TBC1D1: variants seen among roughly 807,000 people sequenced by gnomAD.
The protein encoded by TBC1D1 is TBC1 domain family member 1, also known as TBC1 (tre-2/USP6, BUB2, cdc16) domain family, member 1.
TBC1D1 carries 89 observed loss-of-function variants against 125.6 expected under a neutral mutation model. That is an observed-to-expected ratio of 0.71 (90% CI 0.60 to 0.85). TBC1D1 has a LOEUF of 0.85. Ranked by LOEUF, TBC1D1 falls within the 40% of genes least tolerant of loss-of-function variation. TBC1D1 has a pLI of 0.00. For synonymous variants in TBC1D1, 565 were observed against 564.1 expected (o/e 1.00, Z -0.02); for missense variants, 1,377 against 1,469.2 (o/e 0.94, Z 1.03).
Position 38,014,447 on chromosome 4 carries a change from T to C in TBC1D1, c.418-62T>C. ...GGGCGTCCCGAAAGAGCATGGTGCATTCATTCCGTGAGTGCCAGCCACACT... is the reference window on the plus strand; with the variant it reads ...GGGCGTCCCGAAAGAGCATGGTGCACTCATTCCGTGAGTGCCAGCCACACT... On this transcript the variant is annotated intron_variant, in intron 2 of 19. Transcript: ENST00000261439. The surrounding 1 kb of genome is among the most constrained non-coding windows in gnomAD (Gnocchi z 5.1). The C allele has an allele frequency of 6.6e-7, 1 of 1,519,292 alleles. No individual in the cohort carries two copies. Among genetic ancestry groups the C allele is most frequent in the Non-Finnish European group, 9.0e-7 (1 of 1,105,618 alleles). The allele number at this position is 1,519,292 out of a possible 1,614,324, so 94.1% of individuals were successfully genotyped here. A position where few individuals can be genotyped will look rare whatever the true frequency, so the allele number is the denominator to read the frequency against.
intron 2 of TBC1D1, among the ~76,000 whole-genome samples, chr4:37,931,835 C>T (rs1723334440): frequency 1.3e-5 from 2 of 152,194 alleles, no homozygotes; most frequent in Non-Finnish European, 2.9e-5. Context: ...TTTGCAAACT[C>T]ATCCTTCAGT....
At chr4:37,972,017 C>G (rs750696089) in intron 2 of TBC1D1, among the ~76,000 whole-genome samples, 13 of 152,178 alleles carry the variant, frequency 8.5e-5, no homozygotes, top group Non-Finnish European at 1.3e-4. Context: ...CAAAACAGCC[C>G]AATCATCTGA....
chr4:37,968,282 T>G (rs1238079992), intron 2 of TBC1D1, among the ~76,000 whole-genome samples: 1 of 152,248 alleles, frequency 6.6e-6, no homozygotes, highest in African/African-American at 2.4e-5. Context: ...ACTATCTTCT[T>G]GTCTCCTCTG....
chr4:38,008,797 C>T (rs1017981785), intron 2 of TBC1D1, among the ~76,000 whole-genome samples: 2 of 152,214 alleles, frequency 1.3e-5, no homozygotes, highest in African/African-American at 4.8e-5. Flanking sequence ...TGCACAGGAG[C>T]GGCCTTCTGT....
chr4:37,968,150 G>C (rs540696317), intron 2 of TBC1D1, among the ~76,000 whole-genome samples: 3 of 152,284 alleles, frequency 2.0e-5, no homozygotes, highest in African/African-American at 7.2e-5. Context: ...TTAATGAATT[G>C]ATTGCTAATG....
At position 38,013,250 on chromosome 4, in the gene TBC1D1, T is replaced by G. The variant is rs373114397; in HGVS notation, c.418-1259T>G. ...AGAGATCTTTAAGGTGTATTTGATATGAAGTCACAAAGAGAAAAATCTTTC... is the reference window on the plus strand; with the variant it reads ...AGAGATCTTTAAGGTGTATTTGATAGGAAGTCACAAAGAGAAAAATCTTTC... On this transcript the variant is annotated intron_variant, in intron 2 of 19. Transcript: ENST00000261439. 1.2e-3 allele frequency among the ~76,000 whole-genome samples: 179 copies of G among 152,362 alleles called. 1 individual carries two copies. The highest frequency in any genetic ancestry group is 4.1e-3 in the African/African-American group (170 of 41,574).
In TBC1D1 at chr4:38,127,038, C is replaced by A. The variant is rs369108723; in HGVS notation, c.3132+1907C>A. 2.2e-4 allele frequency among the ~76,000 whole-genome samples: 34 copies of A among 151,980 alleles called. No homozygotes were observed. The South Asian group carries it at 6.7e-3, about 30-fold the overall frequency. ...AGCTTTTGTTGCATGTACTTACTTA[C>A]ATTTACAGCTTCTAGGGCAGACCCC... On this transcript the variant is annotated intron_variant, in intron 18 of 19. Transcript: ENST00000261439.
In TBC1D1 at chr4:38,027,882, A is replaced by G; in HGVS notation, c.1302+3A>G. The G allele has an allele frequency of 6.3e-7, 1 of 1,594,350 alleles. No individual in the cohort carries two copies. Among genetic ancestry groups the G allele is most frequent in the Admixed American group, 1.7e-5 (1 of 57,552 alleles). On this transcript the variant is annotated splice_donor_region_variant and intron_variant, in intron 7 of 19. Coordinates refer to ENST00000261439, the MANE Select transcript of TBC1D1 (RefSeq NM_015173.4). ...CGACTATTTTTGAAGAGGTTCAGGT[A>G]CAGTACAGTTGCTAATTTCTAGAAG... is the stretch of plus-strand genomic sequence containing the variant.
At chr4:37,949,352 G>C (rs1727363872) in intron 2 of TBC1D1, among the ~76,000 whole-genome samples, 1 of 152,214 alleles carries the variant, frequency 6.6e-6, no homozygotes. Flanking sequence ...TTTATTGAGT[G>C]CTTCCTATTA....
At chr4:38,118,401 C>T in intron 17 of TBC1D1, 1 of 581,296 alleles carries the variant, frequency 1.7e-6, no homozygotes, top group East Asian at 2.9e-5. Flanking sequence ...CCCTAGATGC[C>T]TTCATCTTGT....
chr4:38,052,703 TACACACACACGC>T lies in TBC1D1; in HGVS notation c.1911-1495_1911-1484del, dbSNP rs1253497619. On this transcript the variant is annotated intron_variant, in intron 11 of 19. Transcript: ENST00000261439. ...GTGGACACTTACATGCATGCGTATA[TACACACACACGC>T]GCGCGCGCGCGCGCACACACACACA... 1.1e-3 allele frequency among the ~76,000 whole-genome samples: 141 copies of T among 128,300 alleles called. 1 individual carries two copies. Among genetic ancestry groups the T allele is most frequent in the Non-Finnish European group, 1.7e-3 (101 of 61,070 alleles). The allele number at this position is 128,300 out of a possible 152,430, so 84.2% of individuals were successfully genotyped here. A position where few individuals can be genotyped will look rare whatever the true frequency, so the allele number is the denominator to read the frequency against.
chr4:37,918,639 G>A (rs897189890), intron 2 of TBC1D1, among the ~76,000 whole-genome samples: 11 of 152,070 alleles, frequency 7.2e-5, no homozygotes, highest in Non-Finnish European at 1.5e-4. Flanking sequence ...GTAGAGATGG[G>A]TTTTCACCAT....
At chr4:38,116,454 C>T (rs1762999768) in intron 16 of TBC1D1, among the ~76,000 whole-genome samples, 2 of 152,232 alleles carry the variant, frequency 1.3e-5, no homozygotes, top group South Asian at 2.1e-4. Flanking sequence ...CACTGCGTCA[C>T]GTTATCCTGG....
At chr4:38,062,973 C>T (rs539411986) in intron 12 of TBC1D1, among the ~76,000 whole-genome samples, 6 of 152,090 alleles carry the variant, frequency 3.9e-5, no homozygotes, top group African/African-American at 1.4e-4. Context: ...ACCAGCTGAC[C>T]CATGACGATG....
chr4:37,951,897 G>A, intron 2 of TBC1D1: 1 of 699,778 alleles, frequency 1.4e-6, no homozygotes, highest in South Asian at 1.5e-5. Flanking sequence ...TGGAGTTCAG[G>A]TGATAATGGG....
Position 37,902,268 on chromosome 4 carries a change from A to C in TBC1D1, c.173A>C (p.Glu58Ala), listed in dbSNP as rs375973693. 2 of 1,613,990 alleles carry C rather than the reference A, an allele frequency of 1.2e-6. No individual in the cohort carries two copies. Among genetic ancestry groups the C allele is most frequent in the Non-Finnish European group, 1.7e-6 (2 of 1,180,024 alleles). Residue 58 changes from glutamate (E) to alanine (A), a missense_variant, in exon 2 of 20, where the codon GAA becomes GCA. By Grantham distance (107) the Glu-to-Ala change is moderately radical. This residue lies in a region of TBC1D1 where 822 missense variants were observed against 824.6 expected (regional missense o/e 1.00). Transcript: ENST00000261439. ...CTCAGCAGGCAGTCCACCAGAAAGG[A>C]ACCTGTAACCAAGCAAGTCCGGCTT...
Position 38,101,123 on chromosome 4 carries a change from A to G in TBC1D1, c.2399-1876A>G, listed in dbSNP as rs142279141. Among the ~76,000 whole-genome samples the G allele has an allele frequency of 1.1e-4, 16 of 152,328 alleles. No individual in the cohort carries two copies. The East Asian group carries it at 3.1e-3, about 29-fold the overall frequency. ...CGTGCATGGAATGGCGATGGTGCAT[A>G]GTGGCCTCGCAATCAGTGCTATCTG... On this transcript the variant is annotated intron_variant, in intron 14 of 19. Coordinates refer to ENST00000261439, the MANE Select transcript of TBC1D1 (RefSeq NM_015173.4).
In TBC1D1 at chr4:38,102,957, T is replaced by C. The variant is rs1447551447; in HGVS notation, c.2399-42T>C. 1.9e-6 allele frequency: 3 copies of C among 1,579,580 alleles called. No individual in the cohort carries two copies. The African/African-American group carries it at 4.1e-5, about 21-fold the overall frequency. On this transcript the variant is annotated intron_variant, in intron 14 of 19. Transcript: ENST00000261439. ...ATTCATTTTTATTATTAAGTTGTATTCTGTGCATAAATTATTTCCATGTCT... is the reference window on the plus strand; with the variant it reads ...ATTCATTTTTATTATTAAGTTGTATCCTGTGCATAAATTATTTCCATGTCT...
At chr4:37,987,644 C>T (rs189711746) in intron 2 of TBC1D1, among the ~76,000 whole-genome samples, 1 of 152,090 alleles carries the variant, frequency 6.6e-6, no homozygotes, top group Non-Finnish European at 1.5e-5. Context: ...GTGATGTTCT[C>T]AGTTAGGGAG....
Sources: gnomAD v4.1 joint callset for allele counts (sites outside exome capture counted in the v4.1 genomes callset) on GRCh38, gnomAD v4.1.1 for gene constraint, gnomAD v4.1.1 regional missense constraint, Gnocchi (gnomAD v3.1) non-coding constraint, MANE v1.5 for transcripts, NCBI Gene and HGNC (gene_info 2026-07-23, HGNC 2026-07-21) for gene names.